FBXL18: variants seen among roughly 807,000 people sequenced by gnomAD.
The protein encoded by FBXL18 is F-box and leucine rich repeat protein 18.
A neutral mutation model predicts 46.0 loss-of-function variants in FBXL18; 36 were observed. That is an observed-to-expected ratio of 0.78 (90% confidence interval 0.60 to 1.03). The LOEUF (loss-of-function observed/expected upper bound fraction) is 1.03, where lower values mean the gene tolerates loss of function less well. Ranked by LOEUF, FBXL18 falls within the 50% of genes least tolerant of loss-of-function variation. The probability of loss-of-function intolerance (pLI) is 0.00; values close to 1 mark genes in which losing one functional copy is unlikely to be tolerated. For missense variants in FBXL18, 977 were observed against 1,004.1 expected, an observed-to-expected ratio of 0.97 and a Z score of 0.36; for synonymous variants, 557 against 465.3, an observed-to-expected ratio of 1.20 and a Z score of -2.54.
At chr7:5,513,586 C>A in intron 1 of FBXL18, 71 bp downstream of exon 1, 1 of 1,560,100 alleles carries the variant, frequency 6.4e-7, no homozygotes, top group South Asian at 1.1e-5. Context: ...GAACCCGGGT[C>A]GGGATGGAAG....
chr7:5,477,422 G>A lies in FBXL18; in HGVS notation c.*4353C>T, dbSNP rs141325446. Among the ~76,000 whole-genome samples the A allele has an allele frequency of 3.4e-3, 514 of 152,204 alleles. No individual in the cohort carries two copies. Among genetic ancestry groups the A allele is most frequent in the Middle Eastern group, 6.8e-3 (2 of 294 alleles). On this transcript the variant is annotated 3_prime_UTR_variant, in exon 5 of 5. Coordinates refer to ENST00000382368, the MANE Select transcript of FBXL18 (RefSeq NM_024963.6). The surrounding 1 kb of genome is among the most constrained non-coding windows in gnomAD (Gnocchi z 4.4). ...TTTTCTTACAAGAGCTCTGTAATGC[G>A]CCAGGCACGGTGGCTCACACCTGTT...
rs771599063 is a variant in FBXL18, at chr7:5,500,694, G to A, written c.1575C>T (p.Ala525=). ...GCAGGAAGGCCAGCTGGCCGATGGC[G>A]GCCACCTCCGAGTCCCCGACACTCT... is the stretch of plus-strand genomic sequence containing the variant. ...RAQSVGDSEV[A]AIGQLAFLRH... The change falls in exon 3 of 5, where the codon GCC becomes GCT. Residue 525 remains alanine, a synonymous_variant. Coordinates refer to ENST00000382368, the MANE Select transcript of FBXL18 (RefSeq NM_024963.6). 2.9e-5 allele frequency: 47 copies of A among 1,610,532 alleles called. No individual in the cohort carries two copies. The highest frequency in any genetic ancestry group is 4.0e-5 in the African/African-American group (3 of 74,886).
intron 2 of FBXL18, among the ~76,000 whole-genome samples, chr7:5,503,965 T>C (rs1188558867): frequency 1.4e-5 from 2 of 139,884 alleles, no homozygotes; most frequent in African/African-American, 5.7e-5. Flanking sequence ...AGACCTCGTT[T>C]CAAAAAAAAA....
chr7:5,481,625 T>C lies in FBXL18; in HGVS notation c.*150A>G, dbSNP rs1325280395. 7.7e-6 allele frequency: 6 copies of C among 777,594 alleles called. No homozygotes were observed. The Admixed American group carries it at 1.1e-4, about 14-fold the overall frequency. 48.2% of individuals were successfully genotyped at this position (777,594 alleles called of 1,614,324 possible). On this transcript the variant is annotated 3_prime_UTR_variant, in exon 5 of 5. Coordinates refer to ENST00000382368, the MANE Select transcript of FBXL18 (RefSeq NM_024963.6). ...AGCAACAGTCCCCATGAGAGAGCCGTGGAGACGCCGGGAGCCCCAGGAGCC... is the reference window on the plus strand; with the variant it reads ...AGCAACAGTCCCCATGAGAGAGCCGCGGAGACGCCGGGAGCCCCAGGAGCC...
chr7:5,492,001 C>T (rs754850010), intron 3 of FBXL18, among the ~76,000 whole-genome samples: 17 of 151,460 alleles, frequency 1.1e-4, no homozygotes, highest in Non-Finnish European at 1.6e-4. Flanking sequence ...ATGGGGGCCA[C>T]TTCAGCCACG....
intron 4 of FBXL18, among the ~76,000 whole-genome samples, chr7:5,468,154 TC>T (rs1231944294): frequency 3.3e-5 from 5 of 152,014 alleles, no homozygotes; most frequent in Non-Finnish European, 7.4e-5. Flanking sequence ...AGCTAATTTT[TC>T]TGTATTTTTA....
At position 5,491,236 on chromosome 7, in the gene FBXL18, G is replaced by A. The variant is rs565610512; in HGVS notation, c.1995C>T (p.Leu665=). 5 of 1,611,038 alleles carry A rather than the reference G, an allele frequency of 3.1e-6. No homozygotes were observed. In the African/African-American group the frequency reaches 4.0e-5, roughly 13 times the overall value. ...ACGCAACCCACATCACTCACCTGCG[G>A]AGAAGCGACTGCTGCAGGCTCTTGC... is the stretch of plus-strand genomic sequence containing the variant. ...ATCKSLQQSL[L]RSFQAERPAL... The change falls in exon 4 of 5, where the codon CTC becomes CTT. Residue 665 remains leucine, a synonymous_variant. Transcript: ENST00000382368.
At position 5,456,169 on chromosome 7, in the gene FBXL18, G is replaced by A. The variant is rs182564628; in HGVS notation, c.2001-8326C>T. Among the ~76,000 whole-genome samples, 439 of 152,022 alleles carry A rather than the reference G, an allele frequency of 2.9e-3. 1 individual carries two copies. Among genetic ancestry groups the A allele is most frequent in the Non-Finnish European group, 4.7e-3 (317 of 67,972 alleles). The stretch of plus-strand genomic sequence containing the variant: ...ACCAGTCCCCACTGCTGTCCTCCCC[G>A]AGGCTCAGCTCTGCCCAGGAACCCG... On this transcript the variant is annotated intron_variant and NMD_transcript_variant, in intron 4 of 6. Transcript: ENST00000415009.
At chr7:5,490,829 C>T (rs1280795455) in intron 4 of FBXL18, among the ~76,000 whole-genome samples, 1 of 152,150 alleles carries the variant, frequency 6.6e-6, no homozygotes. Context: ...GCTGGTGGCG[C>T]AGGCCTGTAA....
chr7:5,508,759 TCAGAAC>T (rs1461992417), intron 1 of FBXL18, among the ~76,000 whole-genome samples: 7 of 152,112 alleles, frequency 4.6e-5, no homozygotes, highest in Non-Finnish European at 7.4e-5. Context: ...ACAATCTTTA[TCAGAAC>T]CAGGGACAGT....
intron 4 of FBXL18, among the ~76,000 whole-genome samples, chr7:5,458,362 C>A (rs1220165910): frequency 6.6e-6 from 1 of 152,114 alleles, no homozygotes. Flanking sequence ...GTCAGGAGTT[C>A]GAGACCAACC....
At chr7:5,487,551 C>G (rs778008860) in intron 4 of FBXL18, among the ~76,000 whole-genome samples, 1 of 152,210 alleles carries the variant, frequency 6.6e-6, no homozygotes, top group Non-Finnish European at 1.5e-5. Context: ...GGCGTGAACT[C>G]CCATCCCTCC....
chr7:5,484,200 G>A (rs574501767), intron 4 of FBXL18, among the ~76,000 whole-genome samples: 222 of 152,290 alleles, frequency 1.5e-3, no homozygotes, highest in African/African-American at 4.1e-3. Flanking sequence ...GGCCGTGGTG[G>A]CTCACGCCTG....
intron 1 of FBXL18, 81 bp from the exon 2 acceptor site, chr7:5,505,711 A>C (rs1295417654): frequency 3.4e-6 from 4 of 1,181,328 alleles, no homozygotes; most frequent in African/African-American, 1.5e-5. Context: ...AGAGAAGCAA[A>C]GAGAAGCCCT....
At chr7:5,459,134 T>C (rs993040553) in intron 4 of FBXL18, among the ~76,000 whole-genome samples, 6 of 152,056 alleles carry the variant, frequency 3.9e-5, no homozygotes, top group African/African-American at 1.4e-4. Context: ...GTCTGGATGA[T>C]AGAGCAAGAC....
Position 5,500,470 on chromosome 7 carries a change from T to C in FBXL18, c.1781+18A>G. The C allele has an allele frequency of 6.4e-7, 1 of 1,567,214 alleles. No homozygotes were observed. The highest frequency in any genetic ancestry group is 8.7e-7 in the Non-Finnish European group (1 of 1,154,412). On this transcript the variant is annotated intron_variant, in intron 3 of 4. Coordinates refer to ENST00000382368, the MANE Select transcript of FBXL18 (RefSeq NM_024963.6). ...CAGCTTCCAGCAGAGGCCCGAGAGG[T>C]CCCCGCGGCCCCCTCACCTGAGGTC...
intron 1 of FBXL18, among the ~76,000 whole-genome samples, chr7:5,508,869 C>T (rs1180101406): frequency 1.3e-5 from 2 of 152,114 alleles, no homozygotes; most frequent in East Asian, 1.9e-4. Context: ...AGAATGAGAA[C>T]TTAGGGCAAA....
At chr7:5,463,728 ATTTTTTTTTTTTTTTT>A (rs552002078) in intron 4 of FBXL18, among the ~76,000 whole-genome samples, 7 of 53,034 alleles carry the variant, frequency 1.3e-4, no homozygotes, top group African/African-American at 4.8e-4. Flanking sequence ...TTATTTATTT[ATTTTTTTTTTTTTTTT>A]TTTTTTTTTT....
At position 5,455,868 on chromosome 7, in the gene FBXL18, C is replaced by A. The variant is rs1301043534; in HGVS notation, c.2001-8025G>T. On this transcript the variant is annotated intron_variant and NMD_transcript_variant, in intron 4 of 6. Coordinates refer to the FBXL18 transcript ENST00000415009. The surrounding 1 kb of genome is among the most constrained non-coding windows in gnomAD (Gnocchi z 4.6). Reference sequence around the variant, plus strand: ...CATATGACCCCAGCCAATGAGCGGGCGAGACCTGGCCATCTCTGCCCCATG... The same window carrying A: ...CATATGACCCCAGCCAATGAGCGGGAGAGACCTGGCCATCTCTGCCCCATG... Among the ~76,000 whole-genome samples the A allele has an allele frequency of 1.3e-5, 2 of 152,108 alleles. No individual in the cohort carries two copies. The highest frequency in any genetic ancestry group is 6.6e-5 in the Admixed American group (1 of 15,266).
Sources: allele counts gnomAD v4.1 joint callset (sites outside exome capture counted in the v4.1 genomes callset), GRCh38; gene constraint gnomAD v4.1.1; non-coding constraint Gnocchi (gnomAD v3.1); transcripts MANE v1.5; gene names NCBI Gene and HGNC (gene_info 2026-07-23, HGNC 2026-07-21).